VWA8: variants seen among roughly 807,000 people sequenced by gnomAD.
The protein encoded by VWA8 is von Willebrand factor A domain-containing protein 8.
In VWA8, 221 loss-of-function variants were observed where a neutral mutation model predicts 241.5. That is an observed-to-expected ratio of 0.91 (90% CI 0.82 to 1.02). VWA8 has a LOEUF of 1.02. VWA8 is among the 50% of genes least tolerant of loss of function. The probability of loss-of-function intolerance (pLI) is 0.00; values close to 1 mark genes in which losing one functional copy is unlikely to be tolerated. For synonymous variants in VWA8, 852 were observed against 827.1 expected, an observed-to-expected ratio of 1.03 and a Z score of -0.52; for missense variants, 2,322 against 2,328.7, an observed-to-expected ratio of 1.00 and a Z score of 0.06.
intron 12 of VWA8, among the ~76,000 whole-genome samples, chr13:41,834,477 G>T (rs1322854330): frequency 1.3e-5 from 2 of 152,206 alleles, no homozygotes; most frequent in Non-Finnish European, 2.9e-5. Flanking sequence ...TAATGGCAAT[G>T]AATCTGTATT....
At chr13:41,617,522 G>A (rs1327414389) in intron 37 of VWA8, among the ~76,000 whole-genome samples, 1 of 151,868 alleles carries the variant, frequency 6.6e-6, no homozygotes, top group Non-Finnish European at 1.5e-5. Flanking sequence ...AAGTTTTAGG[G>A]TACATGTGCA....
chr13:41,847,999 G>C (rs951856683), intron 12 of VWA8, among the ~76,000 whole-genome samples: 1 of 152,184 alleles, frequency 6.6e-6, no homozygotes, highest in Non-Finnish European at 1.5e-5. Context: ...CCCAAGGATA[G>C]TGGGTTAGAA....
intron 2 of VWA8, among the ~76,000 whole-genome samples, chr13:41,934,590 C>T (rs1432036645): frequency 6.6e-6 from 1 of 151,894 alleles, no homozygotes; most frequent in East Asian, 1.9e-4. Flanking sequence ...TATATCCATA[C>T]AATGGAATAC....
chr13:41,729,740 T>C, intron 22 of VWA8, 63 bp from the exon 23 acceptor site: 5 of 1,558,900 alleles, frequency 3.2e-6, no homozygotes, highest in Non-Finnish European at 4.4e-6. Flanking sequence ...AAAACTTCAT[T>C]ACTTACTGCT....
intron 20 of VWA8, among the ~76,000 whole-genome samples, chr13:41,764,681 A>T (rs1025655621): frequency 1.9e-4 from 29 of 152,262 alleles, no homozygotes; most frequent in African/African-American, 5.8e-4. Flanking sequence ...CTTGGGTAAC[A>T]GTCAGTTGGA....
intron 12 of VWA8, among the ~76,000 whole-genome samples, chr13:41,855,057 T>C: frequency 6.6e-6 from 1 of 152,064 alleles, no homozygotes; most frequent in East Asian, 1.9e-4. Flanking sequence ...ATAATTTCAA[T>C]ATTATCTTGC....
At chr13:41,769,323 G>T (rs903213428) in intron 20 of VWA8, among the ~76,000 whole-genome samples, 2 of 152,128 alleles carry the variant, frequency 1.3e-5, no homozygotes, top group African/African-American at 4.8e-5. Context: ...AGAGCTAAAT[G>T]GTGAAATATC....
chr13:41,733,175 C>T (rs2045498554), intron 21 of VWA8, among the ~76,000 whole-genome samples: 2 of 152,140 alleles, frequency 1.3e-5, no homozygotes, highest in African/African-American at 4.8e-5. Flanking sequence ...CCAAACTTTA[C>T]TACAATCTAT....
At chr13:41,927,596 A>G (rs1228305034) in intron 2 of VWA8, among the ~76,000 whole-genome samples, 2 of 152,200 alleles carry the variant, frequency 1.3e-5, no homozygotes, top group African/African-American at 2.4e-5. Context: ...CTGCAAAACA[A>G]AAAAGTATAG....
At chr13:41,769,941 G>C (rs1289975149) in intron 20 of VWA8, among the ~76,000 whole-genome samples, 1 of 152,106 alleles carries the variant, frequency 6.6e-6, no homozygotes, top group Non-Finnish European at 1.5e-5. Context: ...AAAGACGATT[G>C]AATCAACATA....
At chr13:41,784,537 G>A (rs555221390) in intron 18 of VWA8, among the ~76,000 whole-genome samples, 90 of 147,234 alleles carry the variant, frequency 6.1e-4, no homozygotes, top group African/African-American at 2.1e-3. Flanking sequence ...GATGGCATAC[G>A]CCTGTAGTCC....
intron 42 of VWA8, among the ~76,000 whole-genome samples, chr13:41,578,786 C>T (rs567310022): frequency 6.6e-6 from 1 of 152,312 alleles, no homozygotes; most frequent in Admixed American, 6.5e-5. Flanking sequence ...CTTTTCAGAG[C>T]ATTCCTGAAA....
chr13:41,675,243 T>C lies in VWA8; in HGVS notation c.4381A>G (p.Lys1461Glu), dbSNP rs1241197159. 6 of 1,613,204 alleles carry C rather than the reference T, an allele frequency of 3.7e-6. No individual in the cohort carries two copies. The highest frequency in any genetic ancestry group is 2.7e-5 in the African/African-American group (2 of 75,014). ...GYIEVTDLQS[K>E]KLRYIPIPRS... is the part of the protein sequence containing the mutation. ...GGAATAGGGATATATCGGAGTTTCT[T>C]TGATTGAAGATCAGTGACTTCTATA... Residue 1461 changes from lysine to glutamate, a missense_variant, in exon 36 of 45, where the codon AAG (lysine) becomes GAG (glutamate). By Grantham distance (56) the Lys-to-Glu change is moderately conservative (BLOSUM62 1). Transcript: ENST00000379310.
chr13:41,813,285 T>C (rs1282306683), intron 16 of VWA8, among the ~76,000 whole-genome samples: 4 of 152,062 alleles, frequency 2.6e-5, no homozygotes, highest in African/African-American at 9.7e-5. Flanking sequence ...GCTACTTCAA[T>C]AATCTGCCTA....
intron 37 of VWA8, among the ~76,000 whole-genome samples, chr13:41,642,287 C>T (rs1403206479): frequency 6.6e-6 from 1 of 152,210 alleles, no homozygotes; most frequent in Non-Finnish European, 1.5e-5. Flanking sequence ...AGGCCAGGTG[C>T]GGTGGCTCAT....
chr13:41,828,969 C>T (rs1298195412), intron 14 of VWA8, among the ~76,000 whole-genome samples: 1 of 151,974 alleles, frequency 6.6e-6, no homozygotes, highest in Non-Finnish European at 1.5e-5. Flanking sequence ...ATGGGTAATC[C>T]GATATCAGAT....
chr13:41,832,524 T>C (rs1275817584), intron 13 of VWA8, among the ~76,000 whole-genome samples: 1 of 152,204 alleles, frequency 6.6e-6, no homozygotes, highest in Non-Finnish European at 1.5e-5. Flanking sequence ...ATAACGTATT[T>C]AGAATTTTTA....
chr13:41,861,873 A>C (rs914663602), intron 12 of VWA8, among the ~76,000 whole-genome samples: 1 of 152,242 alleles, frequency 6.6e-6, no homozygotes, highest in Non-Finnish European at 1.5e-5. Flanking sequence ...CATACTGCCC[A>C]AAGCAATTTA....
intron 2 of VWA8, among the ~76,000 whole-genome samples, chr13:41,923,897 C>A (rs1328131068): frequency 2.0e-5 from 3 of 152,036 alleles, no homozygotes; most frequent in East Asian, 3.9e-4. Flanking sequence ...AAAGTCTTCC[C>A]CTAAAAAAGC....
Sources: allele counts gnomAD v4.1 joint callset (sites outside exome capture counted in the v4.1 genomes callset), GRCh38; gene constraint gnomAD v4.1.1; transcripts MANE v1.5; gene names NCBI Gene and HGNC (gene_info 2026-07-23, HGNC 2026-07-21).